Variants in ADCY2 observed in about 807,000 individuals in gnomAD.
The protein encoded by ADCY2 is adenylate cyclase type 2.
Under a neutral mutation model 125.2 loss-of-function variants are expected in ADCY2, and 31 were observed. The observed-to-expected ratio is 0.25, with a 90% CI of 0.19 to 0.33. The LOEUF (loss-of-function observed/expected upper bound fraction) is 0.33. Among genes scored for constraint, ADCY2 ranks in the 10% least tolerant of loss-of-function variants. The probability of loss-of-function intolerance (pLI) is 1.00; values close to 1 mark genes in which losing one functional copy is unlikely to be tolerated. For missense variants in ADCY2, 904 were observed against 1,418.2 expected (o/e 0.64, Z 5.82); for synonymous variants, 512 against 548.4 (o/e 0.93, Z 0.93).
intron 3 of ADCY2, among the ~76,000 whole-genome samples, chr5:7,555,854 GCACACACACACACACACA>G: frequency 7.0e-6 from 1 of 142,642 alleles, no homozygotes; most frequent in South Asian, 2.3e-4. Context: ...ACATGTGAGC[GCACACACACACACACACA>G]CACACACACA....
Position 7,712,912 on chromosome 5 carries a change from T to G in ADCY2, c.1622+13T>G, listed in dbSNP as rs200098856. On this transcript the variant is annotated intron_variant, in intron 11 of 24. Transcript: ENST00000338316. ...ATCGCACCTTAAGGTATGGTATCTC[T>G]CTATCTGATTTTTTAAAGCTTATTG... 1.9e-6 allele frequency: 3 copies of G among 1,585,482 alleles called. No individual in the cohort carries two copies. The East Asian group carries it at 6.7e-5, about 36-fold the overall frequency.
Position 7,459,032 on chromosome 5 carries a change from C to G in ADCY2, c.408+44262C>G, listed in dbSNP as rs569389593. Among the ~76,000 whole-genome samples the G allele has an allele frequency of 2.4e-4, 37 of 152,248 alleles. 1 individual carries two copies. The highest frequency in any genetic ancestry group is 2.1e-3 in the Admixed American group (32 of 15,304). On this transcript the variant is annotated intron_variant, in intron 2 of 24. Coordinates refer to ENST00000338316, the MANE Select transcript of ADCY2 (RefSeq NM_020546.3). ...AAATCATGAAGATGCGTTTTTCACT[C>G]AGGTCTGTGCGTTGGCTGGGATTTG... is the stretch of plus-strand genomic sequence containing the variant.
chr5:7,632,607 A>G (rs1482438161), intron 4 of ADCY2, among the ~76,000 whole-genome samples: 1 of 152,178 alleles, frequency 6.6e-6, no homozygotes. Flanking sequence ...AAGAGCTGAG[A>G]TGTTATAAAA....
At chr5:7,489,446 G>A (rs62341503) in intron 2 of ADCY2, among the ~76,000 whole-genome samples, 2,110 of 152,228 alleles carry the variant, frequency 0.014, 27 homozygotes, top group Middle Eastern at 0.027. Flanking sequence ...GGCTCATCCT[G>A]GGGCCACTGC....
At chr5:7,406,160 A>G (rs749583105) in intron 1 of ADCY2, among the ~76,000 whole-genome samples, 18 of 152,184 alleles carry the variant, frequency 1.2e-4, no homozygotes, top group African/African-American at 4.1e-4. Flanking sequence ...GTGCCAGGCC[A>G]ATTTATTCCC....
intron 12 of ADCY2, among the ~76,000 whole-genome samples, chr5:7,722,288 A>G (rs948775370): frequency 1.8e-4 from 28 of 152,186 alleles, no homozygotes; most frequent in Admixed American, 1.5e-3. Flanking sequence ...GACTGGGTGC[A>G]TGCTGGCCCA....
In ADCY2 at chr5:7,709,883, T is replaced by C. The variant is rs181122224; in HGVS notation, c.1578+496T>C. 1.1e-3 allele frequency among the ~76,000 whole-genome samples: 167 copies of C among 152,210 alleles called. No individual in the cohort carries two copies. The highest frequency in any genetic ancestry group is 6.8e-3 in the Middle Eastern group (2 of 294). On this transcript the variant is annotated intron_variant, in intron 10 of 24. Coordinates refer to ENST00000338316, the MANE Select transcript of ADCY2 (RefSeq NM_020546.3). This position sits in a 1 kb window ranked among gnomAD's most constrained non-coding sequence, Gnocchi z 4.4. ...GACCTCCAGCATATGAGAAAGCTCCTTACACCAGGGACATCTGCGATAAGA... is the reference window on the plus strand; with the variant it reads ...GACCTCCAGCATATGAGAAAGCTCCCTACACCAGGGACATCTGCGATAAGA...
At chr5:7,631,214 C>T (rs1738299445) in intron 4 of ADCY2, among the ~76,000 whole-genome samples, 1 of 152,192 alleles carries the variant, frequency 6.6e-6, no homozygotes, top group Admixed American at 6.5e-5. Flanking sequence ...GATAAACTCA[C>T]CATCTCAAGA....
At chr5:7,473,479 A>T (rs961680991) in intron 2 of ADCY2, among the ~76,000 whole-genome samples, 3 of 151,790 alleles carry the variant, frequency 2.0e-5, no homozygotes, top group African/African-American at 7.3e-5. Context: ...TGAGGAACCC[A>T]CCCCCATGAC....
At chr5:7,475,563 G>A (rs1341728348) in intron 2 of ADCY2, among the ~76,000 whole-genome samples, 1 of 152,098 alleles carries the variant, frequency 6.6e-6, no homozygotes, top group African/African-American at 2.4e-5. Context: ...TGTATTTTTA[G>A]TAGAGACGGA....
At chr5:7,630,102 G>C (rs1738266815) in intron 4 of ADCY2, among the ~76,000 whole-genome samples, 1 of 152,070 alleles carries the variant, frequency 6.6e-6, no homozygotes, top group African/African-American at 2.4e-5. Flanking sequence ...GAGACCCCAT[G>C]CTATACCTGG....
intron 23 of ADCY2, among the ~76,000 whole-genome samples, chr5:7,819,596 G>A (rs906543327): frequency 6.6e-6 from 1 of 152,136 alleles, no homozygotes; most frequent in African/African-American, 2.4e-5. Flanking sequence ...AGCCTTGTTA[G>A]ATTTCTAAGG....
At chr5:7,424,508 C>T (rs1740318643) in intron 2 of ADCY2, among the ~76,000 whole-genome samples, 1 of 152,256 alleles carries the variant, frequency 6.6e-6, no homozygotes. Flanking sequence ...CTGTTGTGCC[C>T]TGGCACATGA....
At chr5:7,817,772 A>G (rs1386263574) in intron 23 of ADCY2, among the ~76,000 whole-genome samples, 2 of 148,126 alleles carry the variant, frequency 1.4e-5, no homozygotes, top group African/African-American at 2.5e-5. Context: ...GCAGCAAGCC[A>G]TAATAGTGCC....
At chr5:7,652,849 CAA>C (rs1437874259) in intron 4 of ADCY2, among the ~76,000 whole-genome samples, 1 of 152,132 alleles carries the variant, frequency 6.6e-6, no homozygotes, top group African/African-American at 2.4e-5. Flanking sequence ...GTGCCCTGAC[CAA>C]GACACACTGA....
At chr5:7,826,031 T>C (rs888076347) in intron 24 of ADCY2, among the ~76,000 whole-genome samples, 1 of 152,208 alleles carries the variant, frequency 6.6e-6, no homozygotes, top group Non-Finnish European at 1.5e-5. Flanking sequence ...GCTGCCCTCC[T>C]TAGCCCCCGT....
rs148342036 is a variant in ADCY2 at position 7,807,274 on chromosome 5, C to T, written c.2883+2582C>T. On this transcript the variant is annotated intron_variant, in intron 22 of 24. Transcript: ENST00000338316. ...TCTCCAGGTCTTTTCTCTTCCTTTC[C>T]GCAGCCACGCTTTATAGACTGAGAG... Among the ~76,000 whole-genome samples, 224 of 152,264 alleles carry T rather than the reference C, an allele frequency of 1.5e-3. 1 individual carries two copies. The highest frequency in any genetic ancestry group is 5.1e-3 in the African/African-American group (211 of 41,566).
intron 15 of ADCY2, 74 bp downstream of exon 15, chr5:7,743,826 TC>T: frequency 2.1e-6 from 3 of 1,460,870 alleles, no homozygotes; most frequent in Non-Finnish European, 1.9e-6. Flanking sequence ...CCTAAAACTT[TC>T]CAAAACAAGG....
At chr5:7,645,184 T>C (rs925251430) in intron 4 of ADCY2, among the ~76,000 whole-genome samples, 18 of 152,202 alleles carry the variant, frequency 1.2e-4, no homozygotes, top group Admixed American at 6.5e-4. Flanking sequence ...CACATTTTTA[T>C]AGTCACTCAA....
Sources: gnomAD v4.1 joint callset for allele counts (sites outside exome capture counted in the v4.1 genomes callset) on GRCh38, gnomAD v4.1.1 for gene constraint, Gnocchi (gnomAD v3.1) non-coding constraint, MANE v1.5 for transcripts, NCBI Gene and HGNC (gene_info 2026-07-23, HGNC 2026-07-21) for gene names.